PDPK1: variants seen among roughly 807,000 people sequenced by gnomAD.
PDPK1 encodes 3-phosphoinositide dependent protein kinase 1.
Under a neutral mutation model 39.8 loss-of-function variants are expected in PDPK1, and 7 were observed. The ratio of observed to expected loss-of-function variants is 0.18; its 90% CI spans 0.10 to 0.33. PDPK1 has a LOEUF of 0.33. PDPK1 is among the 10% of genes least tolerant of loss of function. The pLI, the probability that PDPK1 is intolerant of heterozygous loss-of-function variation, is 1.00. For missense variants in PDPK1, 182 were observed against 384.7 expected (o/e 0.47, Z 4.41); for synonymous variants, 118 against 159.1 (o/e 0.74, Z 1.95).
chr16:2,545,294 G>C, intron 1 of PDPK1, among the ~76,000 whole-genome samples: 1 of 151,828 alleles, frequency 6.6e-6, no homozygotes, highest in Non-Finnish European at 1.5e-5. Flanking sequence ...GTGGTCACCT[G>C]TCCTCCTCAA....
intron 1 of PDPK1, among the ~76,000 whole-genome samples, chr16:2,541,397 C>A (rs945895767): frequency 1.3e-5 from 2 of 152,284 alleles, no homozygotes; most frequent in Admixed American, 6.5e-5. Flanking sequence ...GGAAGCGCTG[C>A]AGAAATGAGG....
chr16:2,545,569 A>G (rs1385349541), intron 1 of PDPK1, among the ~76,000 whole-genome samples: 1 of 151,764 alleles, frequency 6.6e-6, no homozygotes, highest in African/African-American at 2.4e-5. Context: ...ATGTCGGCTC[A>G]CTGTAACCTC....
chr16:2,588,454 C>T (rs2066922313), intron 11 of PDPK1, among the ~76,000 whole-genome samples: 1 of 152,172 alleles, frequency 6.6e-6, no homozygotes, highest in Non-Finnish European at 1.5e-5. Flanking sequence ...GCTCTCTCTG[C>T]AGATCCCAGC....
chr16:2,550,339 C>T (rs1296801411), intron 1 of PDPK1, among the ~76,000 whole-genome samples: 1 of 110,384 alleles, frequency 9.1e-6, no homozygotes, highest in Non-Finnish European at 1.8e-5. Flanking sequence ...AATAAACTCA[C>T]ACGTGCCCAC....
intron 1 of PDPK1, among the ~76,000 whole-genome samples, chr16:2,543,644 C>G (rs1347170170): frequency 6.6e-6 from 1 of 151,804 alleles, no homozygotes; most frequent in Non-Finnish European, 1.5e-5. Context: ...GCTTTTCCTC[C>G]TTGCCTAGAG....
rs75077217 is a variant in PDPK1 at position 2,586,756 on chromosome 16, G to A, written c.1206G>A (p.Thr402=). The change falls in exon 11 of 14, where the codon ACG becomes ACA. Residue 402 remains threonine, a synonymous_variant. Coordinates refer to ENST00000342085, the MANE Select transcript of PDPK1 (RefSeq NM_002613.5). ...CACACTCCCTGTCAGCCTCCGACAC[G>A]GGCCTGCCCCAGAGGTCAGGCAGCA... ...SSSHSLSASD[T]GLPQRSGSNI... 6.2e-6 allele frequency: 10 copies of A among 1,614,170 alleles called. No individual in the cohort carries two copies. The highest frequency in any genetic ancestry group is 1.7e-5 in the Admixed American group (1 of 60,018).
intron 1 of PDPK1, among the ~76,000 whole-genome samples, chr16:2,540,894 T>G (rs1409445191): frequency 6.6e-6 from 1 of 152,180 alleles, no homozygotes; most frequent in Non-Finnish European, 1.5e-5. Flanking sequence ...TGGTTCTGTC[T>G]TTTGCAAAGG....
chr16:2,591,745 A>G (rs2066994485), intron 11 of PDPK1, among the ~76,000 whole-genome samples: 1 of 152,234 alleles, frequency 6.6e-6, no homozygotes, highest in Admixed American at 6.5e-5. Context: ...CAGCGCACAG[A>G]GTGGCACACT....
At chr16:2,573,531 A>G (rs2141975966) in intron 6 of PDPK1, among the ~76,000 whole-genome samples, 1 of 66,464 alleles carries the variant, frequency 1.5e-5, no homozygotes, top group Non-Finnish European at 2.6e-5. Context: ...TATTCTAAAT[A>G]GAGTTATTGG....
At chr16:2,544,685 ACC>A in intron 1 of PDPK1, among the ~76,000 whole-genome samples, 1 of 150,312 alleles carries the variant, frequency 6.7e-6, no homozygotes, top group Non-Finnish European at 1.5e-5. Context: ...CTGGGTTCAC[ACC>A]ATTCTCCTGC....
chr16:2,541,052 G>T (rs1597013382), intron 1 of PDPK1, among the ~76,000 whole-genome samples: 1 of 152,280 alleles, frequency 6.6e-6, no homozygotes, highest in East Asian at 1.9e-4. Context: ...ACGTTGCCCT[G>T]ACAGCCAGTC....
chr16:2,601,534 G>T lies in PDPK1; in HGVS notation c.*3767G>T, dbSNP rs2067215443. On this transcript the variant is annotated 3_prime_UTR_variant, in exon 14 of 14. Transcript: ENST00000342085. Reference sequence around the variant, plus strand: ...TCTGCACAGTCAGCAGAGATAACAAGTGTTGAACTGACCTTGCCACATGCT... The same window carrying T: ...TCTGCACAGTCAGCAGAGATAACAATTGTTGAACTGACCTTGCCACATGCT... 4.3e-6 allele frequency: 1 copy of T among 234,442 alleles called. No individual in the cohort carries two copies. The highest frequency in any genetic ancestry group is 8.5e-6 in the Non-Finnish European group (1 of 117,908). 14.5% of individuals were successfully genotyped at this position (234,442 alleles called of 1,614,324 possible). A position where few individuals can be genotyped will look rare whatever the true frequency, so the allele number is the denominator to read the frequency against.
chr16:2,586,987 C>T (rs2066890499), intron 11 of PDPK1, 94 bp downstream of exon 11: 1 of 1,040,714 alleles, frequency 9.6e-7, no homozygotes, highest in South Asian at 1.3e-5. Flanking sequence ...GTCACTGCCT[C>T]CCTCAGCAGC....
In PDPK1 at chr16:2,600,079, C is replaced by T. The variant is rs1053720330; in HGVS notation, c.*2312C>T. 12 of 233,238 alleles carry T rather than the reference C, an allele frequency of 5.1e-5. No homozygotes were observed. Among genetic ancestry groups the T allele is most frequent in the Admixed American group, 1.1e-4 (2 of 17,790 alleles). 14.4% of individuals were successfully genotyped at this position (233,238 alleles called of 1,614,324 possible). ...CCTTGCTCTTCCCTTTTGAAAGGCC[C>T]GTGTGTTTTCTTTCCTTACCCTGTG... On this transcript the variant is annotated 3_prime_UTR_variant, in exon 14 of 14. Coordinates refer to ENST00000342085, the MANE Select transcript of PDPK1 (RefSeq NM_002613.5).
intron 11 of PDPK1, 43 bp from the exon 12 acceptor site, chr16:2,595,750 T>C: frequency 6.7e-7 from 1 of 1,503,226 alleles, no homozygotes; most frequent in Non-Finnish European, 9.3e-7. Flanking sequence ...AATTTCTGTT[T>C]GTGATTGTCA....
rs761743692 is a variant in PDPK1, at chr16:2,601,213, C to T, written c.*3446C>T. 1 of 234,060 alleles carries T rather than the reference C, an allele frequency of 4.3e-6. No homozygotes were observed. The highest frequency in any genetic ancestry group is 8.5e-6 in the Non-Finnish European group (1 of 117,940). The allele number at this position is 234,060 out of a possible 1,614,324, so 14.5% of individuals were successfully genotyped here. On this transcript the variant is annotated 3_prime_UTR_variant, in exon 14 of 14. Transcript: ENST00000342085. ...TCTCTCGACCTGATGTGTAGACGCT[C>T]ACTTCCAGTAGCAGAACCACCTTAG...
At chr16:2,586,610 G>C in intron 10 of PDPK1, 66 bp from the exon 11 acceptor site, 1 of 1,408,570 alleles carries the variant, frequency 7.1e-7, no homozygotes, top group Non-Finnish European at 1.0e-6. Context: ...GTGCGGGAGG[G>C]GCTGGGGTTT....
chr16:2,597,647 G>T lies in PDPK1; in HGVS notation c.1555-4G>T, dbSNP rs375570727. ...AGAACACTAAACGGCTTCTGTCTTCGCAGCCTAACAGGACGTATTATCTGA... is the reference window on the plus strand; with the variant it reads ...AGAACACTAAACGGCTTCTGTCTTCTCAGCCTAACAGGACGTATTATCTGA... On this transcript the variant is annotated splice_region_variant and splice_polypyrimidine_tract_variant and intron_variant, in intron 13 of 13. Coordinates refer to ENST00000342085, the MANE Select transcript of PDPK1 (RefSeq NM_002613.5). The surrounding 1 kb of genome is among the most constrained non-coding windows in gnomAD (Gnocchi z 6.3). The T allele has an allele frequency of 6.3e-5, 101 of 1,603,622 alleles. No homozygotes were observed. The African/African-American group carries it at 1.1e-3, about 17-fold the overall frequency.
intron 1 of PDPK1, among the ~76,000 whole-genome samples, chr16:2,543,992 C>G (rs1331380273): frequency 6.6e-6 from 1 of 152,068 alleles, no homozygotes; most frequent in Non-Finnish European, 1.5e-5. Context: ...ACCTCGGCCC[C>G]CCAAAGTGGT....
Sources: allele counts gnomAD v4.1 joint callset (sites outside exome capture counted in the v4.1 genomes callset), GRCh38; gene constraint gnomAD v4.1.1; non-coding constraint Gnocchi (gnomAD v3.1); transcripts MANE v1.5; gene names NCBI Gene and HGNC (gene_info 2026-07-23, HGNC 2026-07-21).